The following VAT1L variants were observed in gnomAD, a reference collection of about 807,000 sequenced individuals.
The protein encoded by VAT1L is vesicle amine transport 1 like.
A neutral mutation model predicts 44.1 loss-of-function variants in VAT1L; 34 were observed. The ratio of observed to expected loss-of-function variants is 0.77; its 90% confidence interval spans 0.59 to 1.03. The LOEUF (loss-of-function observed/expected upper bound fraction) is 1.03, where lower values mean the gene tolerates loss of function less well. VAT1L is among the 50% of genes least tolerant of loss of function. The probability of loss-of-function intolerance (pLI) is 0.00; values close to 1 mark genes in which losing one functional copy is unlikely to be tolerated. For synonymous variants in VAT1L, 253 were observed against 202.2 expected (o/e 1.25, Z -2.13); for missense variants, 615 against 538.8 (o/e 1.14, Z -1.40).
intron 3 of VAT1L, among the ~76,000 whole-genome samples, chr16:77,838,864 C>T (rs1003393129): frequency 1.3e-4 from 19 of 151,420 alleles, no homozygotes; most frequent in African/African-American, 3.4e-4. Context: ...CTCTTTCTCC[C>T]CTTTATTCTT....
intron 1 of VAT1L, among the ~76,000 whole-genome samples, chr16:77,814,719 A>G (rs1280358771): frequency 6.6e-6 from 1 of 152,218 alleles, no homozygotes; most frequent in Non-Finnish European, 1.5e-5. Flanking sequence ...TAGAAATTTT[A>G]TTTACTGTTA....
At chr16:77,935,511 A>AC (rs1167130813) in intron 7 of VAT1L, among the ~76,000 whole-genome samples, 2 of 151,858 alleles carry the variant, frequency 1.3e-5, no homozygotes, top group Non-Finnish European at 2.9e-5. Context: ...AAAAAAAAAA[A>AC]AAAAACTACC....
intron 7 of VAT1L, among the ~76,000 whole-genome samples, chr16:77,888,833 C>T (rs2142465026): frequency 6.6e-6 from 1 of 152,306 alleles, no homozygotes; most frequent in Non-Finnish European, 1.5e-5. Context: ...CAGTCACCAG[C>T]CAGATAAAGG....
intron 3 of VAT1L, among the ~76,000 whole-genome samples, chr16:77,843,717 G>A (rs2016730352): frequency 6.6e-6 from 1 of 152,194 alleles, no homozygotes; most frequent in Non-Finnish European, 1.5e-5. Context: ...CCAAACAGAG[G>A]CCAGTCTACT....
intron 7 of VAT1L, among the ~76,000 whole-genome samples, chr16:77,913,321 T>C (rs1295535604): frequency 4.6e-5 from 7 of 152,106 alleles, no homozygotes; most frequent in Non-Finnish European, 1.0e-4. Flanking sequence ...ACTCTAAAAC[T>C]CTATACCCAT....
intron 7 of VAT1L, among the ~76,000 whole-genome samples, chr16:77,966,866 C>A (rs916150931): frequency 1.4e-5 from 2 of 143,182 alleles, no homozygotes; most frequent in African/African-American, 5.3e-5. Flanking sequence ...TAGGATTAGG[C>A]AATGCAGGTC....
chr16:77,824,722 C>T (rs1673679255), intron 2 of VAT1L, among the ~76,000 whole-genome samples: 1 of 147,648 alleles, frequency 6.8e-6, no homozygotes, highest in Non-Finnish European at 1.5e-5. Context: ...CGCCACTGCC[C>T]TCCAGCCTGG....
At chr16:77,888,013 C>T (rs1224674723) in intron 7 of VAT1L, among the ~76,000 whole-genome samples, 5 of 152,172 alleles carry the variant, frequency 3.3e-5, no homozygotes, top group Admixed American at 3.3e-4. Context: ...CCCACCCAGG[C>T]CTTCCCTGTC....
chr16:77,890,649 G>A (rs934496004), intron 7 of VAT1L, among the ~76,000 whole-genome samples: 8 of 152,182 alleles, frequency 5.3e-5, no homozygotes, highest in Admixed American at 3.3e-4. Flanking sequence ...TGGGCCAGGC[G>A]TGGTGGCTCA....
chr16:77,829,004 C>CCT (rs1422927280), intron 3 of VAT1L, among the ~76,000 whole-genome samples: 3 of 152,168 alleles, frequency 2.0e-5, no homozygotes, highest in African/African-American at 7.2e-5. Context: ...CCTGGGGCTG[C>CCT]CTCTCTCCCT....
At chr16:77,922,942 C>T (rs2017627839) in intron 7 of VAT1L, among the ~76,000 whole-genome samples, 1 of 152,144 alleles carries the variant, frequency 6.6e-6, no homozygotes, top group South Asian at 2.1e-4. Flanking sequence ...TCAACCCAGA[C>T]CTGTTTGTTC....
At chr16:77,939,394 G>T (rs545156965) in intron 7 of VAT1L, among the ~76,000 whole-genome samples, 1 of 152,176 alleles carries the variant, frequency 6.6e-6, no homozygotes, top group African/African-American at 2.4e-5. Context: ...CCGGAGGCGG[G>T]CGGGGTGGGG....
At chr16:77,885,332 C>T (rs978816196) in intron 7 of VAT1L, among the ~76,000 whole-genome samples, 3 of 152,304 alleles carry the variant, frequency 2.0e-5, no homozygotes, top group South Asian at 4.2e-4. Flanking sequence ...TATTTGGAAG[C>T]ATTCCTTGAT....
At chr16:77,892,687 C>G in intron 7 of VAT1L, 1 of 728,652 alleles carries the variant, frequency 1.4e-6, no homozygotes, top group South Asian at 1.4e-5. Flanking sequence ...AGAACTTCAT[C>G]CTAAAGCATA....
intron 3 of VAT1L, among the ~76,000 whole-genome samples, chr16:77,838,458 C>T (rs1015332496): frequency 6.6e-6 from 1 of 152,184 alleles, no homozygotes; most frequent in Non-Finnish European, 1.5e-5. Context: ...GTTCATTTTG[C>T]AGCTCATGTC....
At chr16:77,976,602 A>T (rs1438505721) in intron 8 of VAT1L, among the ~76,000 whole-genome samples, 5 of 152,210 alleles carry the variant, frequency 3.3e-5, no homozygotes, top group Non-Finnish European at 7.3e-5. Flanking sequence ...GGATAAGAAC[A>T]GAAAAGAAAT....
chr16:77,815,830 A>C (rs12716844), intron 1 of VAT1L, among the ~76,000 whole-genome samples: 1 of 35,098 alleles, frequency 2.8e-5, no homozygotes. Flanking sequence ...TAGCCAGGCG[A>C]GTTGGTGTGC....
At chr16:77,904,362 A>C (rs776922624) in intron 7 of VAT1L, among the ~76,000 whole-genome samples, 1 of 152,130 alleles carries the variant, frequency 6.6e-6, no homozygotes, top group Non-Finnish European at 1.5e-5. Flanking sequence ...ACAAAATATC[A>C]AAGACTGAGT....
chr16:77,877,249 G>T (rs1372889179), intron 5 of VAT1L, among the ~76,000 whole-genome samples: 2 of 152,022 alleles, frequency 1.3e-5, no homozygotes, highest in Admixed American at 1.3e-4. Flanking sequence ...AGTGGCTCAC[G>T]CCTGTAATCC....
Sources: gnomAD v4.1 joint callset for allele counts (sites outside exome capture counted in the v4.1 genomes callset) on GRCh38, gnomAD v4.1.1 for gene constraint, MANE v1.5 for transcripts, NCBI Gene and HGNC (gene_info 2026-07-23, HGNC 2026-07-21) for gene names.